Variants in RB1CC1 observed in about 807,000 individuals in gnomAD.
RB1CC1 encodes the protein RB1-inducible coiled-coil protein 1.
Under a neutral mutation model 177.5 loss-of-function variants are expected in RB1CC1, and 46 were observed. That is an observed-to-expected ratio of 0.26 (90% CI 0.20 to 0.33). The LOEUF (loss-of-function observed/expected upper bound fraction) is 0.33, where lower values mean the gene tolerates loss of function less well. Ranked by LOEUF, RB1CC1 falls within the 10% of genes least tolerant of loss-of-function variation. RB1CC1 has a pLI of 1.00. For missense variants in RB1CC1, 1,703 were observed against 1,816.3 expected (o/e 0.94, Z 1.13); for synonymous variants, 666 against 613.6 (o/e 1.09, Z -1.26).
intron 15 of RB1CC1, among the ~76,000 whole-genome samples, chr8:52,651,552 G>A (rs774599318): frequency 6.6e-6 from 1 of 152,206 alleles, no homozygotes; most frequent in African/African-American, 2.4e-5. Flanking sequence ...GAGGACAAGT[G>A]AAGTCAGAAC....
At chr8:52,660,793 C>T in intron 11 of RB1CC1, 133 bp downstream of exon 11, 1 of 1,086,638 alleles carries the variant, frequency 9.2e-7, no homozygotes. Flanking sequence ...CAATTCTATA[C>T]ACTTTAAAAG....
chr8:52,655,284 A>G (rs540277901), intron 15 of RB1CC1, among the ~76,000 whole-genome samples: 1 of 152,208 alleles, frequency 6.6e-6, no homozygotes, highest in Middle Eastern at 3.2e-3. Flanking sequence ...GTTGAAATAT[A>G]TATGTATTCA....
At chr8:52,699,804 CAAAAAAAAAAAAAA>C (rs1172604874) in intron 1 of RB1CC1, among the ~76,000 whole-genome samples, 2 of 38,550 alleles carry the variant, frequency 5.2e-5, no homozygotes, top group African/African-American at 3.3e-4. Flanking sequence ...ATCTCCGTCT[CAAAAAAAAAAAAAA>C]AAAAAAAAAA....
At chr8:52,699,339 G>A (rs1277747696) in intron 1 of RB1CC1, among the ~76,000 whole-genome samples, 2 of 152,050 alleles carry the variant, frequency 1.3e-5, no homozygotes, top group Non-Finnish European at 2.9e-5. Flanking sequence ...CTACTGTAGG[G>A]GATATCTGTT....
rs1438935200 is a variant in RB1CC1 at position 52,714,430 on chromosome 8, G to C, written c.-522C>G. ...CGCCGCGGCTTGGTTTGTTATTGTC[G>C]ACTCCGTCTCTTCCTCCGCGGCGCA... is the stretch of plus-strand genomic sequence containing the variant. On this transcript the variant is annotated 5_prime_UTR_variant, in exon 1 of 24. Coordinates refer to ENST00000025008, the MANE Select transcript of RB1CC1 (RefSeq NM_014781.5). The C allele has an allele frequency of 6.6e-6, 1 of 152,342 alleles. No individual in the cohort carries two copies. The highest frequency in any genetic ancestry group is 1.5e-5 in the Non-Finnish European group (1 of 68,088). 9.4% of individuals were successfully genotyped at this position (152,342 alleles called of 1,614,324 possible).
chr8:52,661,573 G>C lies in RB1CC1; in HGVS notation c.1320C>G (p.Ala440=), dbSNP rs145117375. ...LLDIKQKCTT[A]KQELANNLHV... Reference sequence around the variant, plus strand: ...GTAGGTTATTTGCTAGTTCTTGTTTGGCAGTGGTACACTTCTGCTTAATAT... The same window carrying C: ...GTAGGTTATTTGCTAGTTCTTGTTTCGCAGTGGTACACTTCTGCTTAATAT... Residue 440 remains alanine (A), a synonymous_variant, in exon 9 of 24, where the codon GCC becomes GCG. Transcript: ENST00000025008. 1.1e-4 allele frequency: 180 copies of C among 1,608,966 alleles called. No individual in the cohort carries two copies. The highest frequency in any genetic ancestry group is 1.5e-4 in the Non-Finnish European group (178 of 1,178,446).
At chr8:52,641,697 T>A (rs555000120) in intron 18 of RB1CC1, among the ~76,000 whole-genome samples, 1 of 152,268 alleles carries the variant, frequency 6.6e-6, no homozygotes, top group East Asian at 1.9e-4. Flanking sequence ...CATAATGATC[T>A]GGACTTTCTG....
intron 15 of RB1CC1, among the ~76,000 whole-genome samples, chr8:52,653,862 T>C (rs1850850569): frequency 6.6e-6 from 1 of 152,188 alleles, no homozygotes; most frequent in African/African-American, 2.4e-5. Context: ...GCATGTTGGA[T>C]TTGGGATACT....
At chr8:52,631,315 A>G (rs1374026112) in intron 20 of RB1CC1, among the ~76,000 whole-genome samples, 1 of 152,142 alleles carries the variant, frequency 6.6e-6, no homozygotes, top group African/African-American at 2.4e-5. Context: ...CAAAAATACA[A>G]AAAATTAGCT....
In RB1CC1 at chr8:52,657,666, C is replaced by A. The variant is rs751741684; in HGVS notation, c.2163G>T (p.Leu721Phe). Residue 721 changes from leucine to phenylalanine, a missense_variant, in exon 15 of 24, where the codon TTG becomes TTT. Physicochemically the swap from Leu to Phe is conservative, Grantham distance 22. Around this residue, in one of 6 missense-constraint regions of RB1CC1, gnomAD observed 1,169 missense variants for 1,184.7 expected, o/e 0.99. Transcript: ENST00000025008. ...EQTIHQVSLD[L>F]DSLAESPESD... ...ATTCAGGACTTTCTGCTAATGAATC[C>A]AAGTCTAAAGAAACTTGGTGAATAG... The A allele has an allele frequency of 1.5e-5, 25 of 1,613,974 alleles. No homozygotes were observed. The highest frequency in any genetic ancestry group is 2.1e-5 in the Non-Finnish European group (25 of 1,180,024).
intron 22 of RB1CC1, among the ~76,000 whole-genome samples, chr8:52,625,968 G>C (rs922977129): frequency 6.6e-6 from 1 of 152,134 alleles, no homozygotes; most frequent in Non-Finnish European, 1.5e-5. Context: ...TAAATAATCA[G>C]AAATGAACCT....
chr8:52,698,887 C>T (rs1400909890), intron 1 of RB1CC1, among the ~76,000 whole-genome samples: 1 of 150,426 alleles, frequency 6.6e-6, no homozygotes, highest in Admixed American at 6.6e-5. Context: ...GGCAGGGTTT[C>T]GCCATGTTGG....
In RB1CC1 at chr8:52,657,915, A is replaced by C. The variant is rs1269326129; in HGVS notation, c.1921-7T>G. The C allele has an allele frequency of 1.2e-6, 2 of 1,612,896 alleles. No individual in the cohort carries two copies. The highest frequency in any genetic ancestry group is 4.5e-5 in the East Asian group (2 of 44,850). ...ATGTCTGACTCACAGATGCCTGGAA[A>C]ACAGAAAGAAAGGCTTAAAGAGCTG... is the stretch of plus-strand genomic sequence containing the variant. On this transcript the variant is annotated splice_region_variant and splice_polypyrimidine_tract_variant and intron_variant, in intron 14 of 23. Coordinates refer to ENST00000025008, the MANE Select transcript of RB1CC1 (RefSeq NM_014781.5).
chr8:52,693,836 T>A (rs768766274), intron 1 of RB1CC1, among the ~76,000 whole-genome samples: 2 of 152,148 alleles, frequency 1.3e-5, no homozygotes, highest in African/African-American at 2.4e-5. Context: ...GATGCTGGGC[T>A]TAATACTTAG....
intron 15 of RB1CC1, among the ~76,000 whole-genome samples, chr8:52,648,182 T>C (rs958250827): frequency 2.0e-5 from 3 of 151,898 alleles, no homozygotes; most frequent in Non-Finnish European, 4.4e-5. Context: ...ATGATTAGCA[T>C]AGGGTATCTC....
chr8:52,651,297 T>C (rs1286315794), intron 15 of RB1CC1, among the ~76,000 whole-genome samples: 1 of 152,194 alleles, frequency 6.6e-6, no homozygotes. Flanking sequence ...TGAGATACTC[T>C]AGATCAAGGG....
chr8:52,683,939 C>T lies in RB1CC1; in HGVS notation c.146G>A (p.Gly49Glu). Residue 49 changes from glycine to glutamate, a missense_variant, in exon 4 of 24, where the codon GGA becomes GAA. Coordinates refer to ENST00000025008, the MANE Select transcript of RB1CC1 (RefSeq NM_014781.5). ...AIQHQVLVVN[G>E]GECMAADRRV... The stretch of plus-strand genomic sequence containing the variant: ...TCGATCTGCAGCCATGCATTCTCCT[C>T]CATTGACCACCAGCACCTGGTGTTG... 6.2e-7 allele frequency: 1 copy of T among 1,614,124 alleles called. No homozygotes were observed. The highest frequency in any genetic ancestry group is 8.5e-7 in the Non-Finnish European group (1 of 1,180,008).
At chr8:52,662,212 G>A (rs369354934) in intron 8 of RB1CC1, among the ~76,000 whole-genome samples, 12 of 152,038 alleles carry the variant, frequency 7.9e-5, no homozygotes, top group African/African-American at 2.9e-4. Flanking sequence ...ACTATATTTT[G>A]TTCCACTGAT....
At chr8:52,704,910 T>A (rs1010397026) in intron 1 of RB1CC1, among the ~76,000 whole-genome samples, 1 of 152,204 alleles carries the variant, frequency 6.6e-6, no homozygotes, top group African/African-American at 2.4e-5. Context: ...TTCTTAACTT[T>A]TATAAAATGA....
Sources: allele counts gnomAD v4.1 joint callset (sites outside exome capture counted in the v4.1 genomes callset), GRCh38; gene constraint gnomAD v4.1.1; regional missense constraint gnomAD v4.1.1; transcripts MANE v1.5; gene names NCBI Gene and HGNC (gene_info 2026-07-23, HGNC 2026-07-21).